The following MATN2 variants were observed in gnomAD, a reference collection of about 807,000 sequenced individuals.
MATN2 encodes the protein matrilin-2.
In MATN2, 69 loss-of-function variants were observed where a neutral mutation model predicts 103.2. The observed-to-expected ratio is 0.67, with a 90% CI of 0.55 to 0.82. The LOEUF (loss-of-function observed/expected upper bound fraction) is 0.82, where lower values mean the gene tolerates loss of function less well. Ranked by LOEUF, MATN2 falls within the 40% of genes least tolerant of loss-of-function variation. MATN2 has a pLI of 0.00. For missense variants in MATN2, 1,023 were observed against 1,211.5 expected, an observed-to-expected ratio of 0.84 and a Z score of 2.31; for synonymous variants, 429 against 450.2, an observed-to-expected ratio of 0.95 and a Z score of 0.60.
At chr8:97,907,154 C>A (rs964803784) in intron 2 of MATN2, among the ~76,000 whole-genome samples, 5 of 151,738 alleles carry the variant, frequency 3.3e-5, no homozygotes, top group African/African-American at 1.2e-4. Context: ...GAGCCTGCCA[C>A]CACACCCAAC....
At chr8:97,999,458 G>A (rs553070213) in intron 7 of MATN2, among the ~76,000 whole-genome samples, 2 of 152,314 alleles carry the variant, frequency 1.3e-5, no homozygotes, top group East Asian at 3.9e-4. Context: ...TGGTGTAATG[G>A]AGTGATTCCT....
At chr8:97,974,662 G>A (rs894390682) in intron 5 of MATN2, among the ~76,000 whole-genome samples, 1 of 151,914 alleles carries the variant, frequency 6.6e-6, no homozygotes, top group Non-Finnish European at 1.5e-5. Flanking sequence ...GGCCAGGCTG[G>A]TCTTGAACTC....
chr8:97,997,412 T>TA, intron 7 of MATN2, among the ~76,000 whole-genome samples: 1 of 152,346 alleles, frequency 6.6e-6, no homozygotes, highest in Admixed American at 6.5e-5. Flanking sequence ...TTTTGAAACT[T>TA]ACTATCTGTG....
At chr8:97,887,164 T>G (rs1818461080) in intron 1 of MATN2, among the ~76,000 whole-genome samples, 1 of 152,166 alleles carries the variant, frequency 6.6e-6, no homozygotes, top group Middle Eastern at 3.2e-3. Context: ...AGTGGTGGGA[T>G]TACAGGTGTG....
intron 4 of MATN2, among the ~76,000 whole-genome samples, chr8:97,945,468 C>T (rs1046115353): frequency 2.6e-5 from 4 of 151,938 alleles, no homozygotes; most frequent in Admixed American, 6.6e-5. Flanking sequence ...TAGAGGACCC[C>T]GACATGGCAG....
intron 1 of MATN2, among the ~76,000 whole-genome samples, chr8:97,876,034 C>G (rs2129931295): frequency 1.4e-5 from 2 of 141,212 alleles, no homozygotes; most frequent in East Asian, 2.3e-4. Context: ...CTCTTTTTTT[C>G]TTTTGAGACA....
At chr8:97,925,029 A>G (rs1809945772) in intron 2 of MATN2, among the ~76,000 whole-genome samples, 1 of 152,208 alleles carries the variant, frequency 6.6e-6, no homozygotes, top group Admixed American at 6.5e-5. Flanking sequence ...TAACTGAGCA[A>G]TGAACAATTT....
At chr8:98,026,690 G>C (rs1376688981) in intron 13 of MATN2, among the ~76,000 whole-genome samples, 4 of 152,018 alleles carry the variant, frequency 2.6e-5, no homozygotes, top group Non-Finnish European at 5.9e-5. Context: ...TGGGGGGTGG[G>C]GCACAAAAAT....
At chr8:97,883,554 A>T (rs1586373615) in intron 1 of MATN2, among the ~76,000 whole-genome samples, 1 of 133,164 alleles carries the variant, frequency 7.5e-6, no homozygotes, top group Non-Finnish European at 1.6e-5. Context: ...TTCCCAGCTA[A>T]TTTTTTTTTT....
At chr8:97,991,988 G>T (rs148878399) in intron 6 of MATN2, among the ~76,000 whole-genome samples, 1 of 152,226 alleles carries the variant, frequency 6.6e-6, no homozygotes. Context: ...CCCTAGACTA[G>T]ATCCTGTACT....
At position 98,021,693 on chromosome 8, in the gene MATN2, A is replaced by AC. The variant is rs557433655; in HGVS notation, c.1942+367dup. On this transcript the variant is annotated intron_variant, in intron 13 of 18. Coordinates refer to ENST00000254898, the MANE Select transcript of MATN2 (RefSeq NM_002380.5). ...CAGTTTAAACATAAAAAAAAAAAAA[A>AC]CACAAAAGAGCAAAAGGAGTCTTGA... is the stretch of plus-strand genomic sequence containing the variant. Among the ~76,000 whole-genome samples, 1,473 of 149,566 alleles carry AC rather than the reference A, an allele frequency of 9.8e-3. 16 individuals are homozygous for AC. The highest frequency in any genetic ancestry group is 0.033 in the African/African-American group (1,368 of 40,930).
At position 98,010,683 on chromosome 8, in the gene MATN2, C is replaced by A. The variant is rs549880651; in HGVS notation, c.1573+3082C>A. Among the ~76,000 whole-genome samples, 230 of 152,292 alleles carry A rather than the reference C, an allele frequency of 1.5e-3. 4 individuals are homozygous for A. Among genetic ancestry groups the A allele is most frequent in the Middle Eastern group, 3.4e-3 (1 of 294 alleles). On this transcript the variant is annotated intron_variant, in intron 10 of 18. Transcript: ENST00000254898. ...GCCAGGCCTGCTCTCCTTGGAGGGG[C>A]CCCAGAGACACACAACTCTGGAAGT...
intron 6 of MATN2, among the ~76,000 whole-genome samples, chr8:97,990,202 A>AAAG (rs58107348): frequency 1.4e-4 from 21 of 151,064 alleles, no homozygotes; most frequent in Non-Finnish European, 2.7e-4. Flanking sequence ...AAAAAAAAAA[A>AAAG]GACAAGCCAC....
At chr8:97,898,869 C>A (rs1420034248) in intron 2 of MATN2, among the ~76,000 whole-genome samples, 1 of 152,154 alleles carries the variant, frequency 6.6e-6, no homozygotes, top group Non-Finnish European at 1.5e-5. Context: ...CTATCTCAAC[C>A]TCCCAAGTAG....
intron 6 of MATN2, among the ~76,000 whole-genome samples, chr8:97,990,925 G>T (rs566426324): frequency 1.3e-5 from 2 of 152,278 alleles, no homozygotes; most frequent in Admixed American, 1.3e-4. Flanking sequence ...TTATTATTTT[G>T]ATTGTGGCGA....
rs2061055 is a variant in MATN2 at position 97,982,436 on chromosome 8, A to T, written c.1081+3428A>T. On this transcript the variant is annotated intron_variant, in intron 6 of 18. Transcript: ENST00000254898. This position sits in a 1 kb window ranked among gnomAD's most constrained non-coding sequence, Gnocchi z 4.3. ...CTGTGATGTTGAAAGATTTTTTTTT[A>T]AAATTCTACTTCTTATACACTTGCA... Among the ~76,000 whole-genome samples the T allele has an allele frequency of 0.43, 64,513 of 151,570 alleles. 14,065 individuals carry two copies. Among genetic ancestry groups the T allele is most frequent in the Middle Eastern group, 0.52 (154 of 294 alleles).
rs111871082 is a variant in MATN2 at position 97,960,035 on chromosome 8, C to T, written c.836-1373C>T. 4.8e-3 allele frequency among the ~76,000 whole-genome samples: 732 copies of T among 151,182 alleles called. 2 individuals are homozygous for T. Among genetic ancestry groups the T allele is most frequent in the Non-Finnish European group, 8.7e-3 (586 of 67,704 alleles). On this transcript the variant is annotated intron_variant, in intron 4 of 18. Transcript: ENST00000254898. ...TGTGATCTCGGCTCACTGCAACCTC[C>T]ACCTCCCGGGTTCAAGCCATTCTCC...
chr8:97,933,022 A>C (rs999088508), intron 3 of MATN2, among the ~76,000 whole-genome samples: 1 of 152,252 alleles, frequency 6.6e-6, no homozygotes, highest in African/African-American at 2.4e-5. Context: ...TATAGCCCCC[A>C]GCGAAGAACA....
intron 7 of MATN2, 97 bp from the exon 8 acceptor site, chr8:98,003,561 CCAG>C: frequency 7.1e-7 from 1 of 1,400,658 alleles, no homozygotes; most frequent in South Asian, 1.2e-5. Context: ...GCAGCACCCA[CCAG>C]CCCTCTCCAT....
Sources: allele counts gnomAD v4.1 joint callset (sites outside exome capture counted in the v4.1 genomes callset), GRCh38; gene constraint gnomAD v4.1.1; non-coding constraint Gnocchi (gnomAD v3.1); transcripts MANE v1.5; gene names NCBI Gene and HGNC (gene_info 2026-07-23, HGNC 2026-07-21).